Variants in MYCBP2 observed in about 807,000 individuals in gnomAD.
MYCBP2 encodes the protein MYC binding protein 2, also known as E3 ubiquitin-protein ligase MYCBP2.
Under a neutral mutation model 525.3 loss-of-function variants are expected in MYCBP2, and 120 were observed. The ratio of observed to expected loss-of-function variants is 0.23; its 90% CI spans 0.20 to 0.27. The LOEUF (loss-of-function observed/expected upper bound fraction) is 0.27. MYCBP2 is among the 10% of genes least tolerant of loss of function. MYCBP2 has a pLI of 1.00. For missense variants in MYCBP2, 4,149 were observed against 5,657.1 expected (o/e 0.73, Z 8.55); for synonymous variants, 1,894 against 1,955.8 (o/e 0.97, Z 0.83).
intron 18 of MYCBP2, among the ~76,000 whole-genome samples, chr13:77,231,581 C>T (rs2067140258): frequency 1.3e-5 from 2 of 152,146 alleles, no homozygotes; most frequent in South Asian, 4.1e-4. Context: ...CATTATGTGA[C>T]ATTGGGAAAA....
In MYCBP2 at chr13:77,143,434, G is replaced by A. The variant is rs572052000; in HGVS notation, c.7303+1011C>T. Among the ~76,000 whole-genome samples the A allele has an allele frequency of 1.2e-4, 18 of 152,202 alleles. No individual in the cohort carries two copies. In the South Asian group the frequency reaches 3.7e-3, roughly 32 times the overall value. The stretch of plus-strand genomic sequence containing the variant: ...CTGTCCCTTGACATTTGAACTCCAG[G>A]GTCCCCAGCATTTAGACTCCAGGAC... On this transcript the variant is annotated intron_variant, in intron 49 of 82. Coordinates refer to ENST00000544440, the MANE Select transcript of MYCBP2 (RefSeq NM_015057.5).
At chr13:77,307,641 A>AC (rs2079623050) in intron 1 of MYCBP2, among the ~76,000 whole-genome samples, 1 of 150,506 alleles carries the variant, frequency 6.6e-6, no homozygotes, top group Non-Finnish European at 1.5e-5. Flanking sequence ...AAAAAAAAAA[A>AC]AAAAAAAAAA....
intron 1 of MYCBP2, among the ~76,000 whole-genome samples, chr13:77,302,354 C>T (rs2078894800): frequency 9.7e-6 from 1 of 102,754 alleles, no homozygotes; most frequent in East Asian, 3.5e-4. Flanking sequence ...AGTTTCCATT[C>T]TTTGTGTTGA....
Position 77,211,939 on chromosome 13 carries a change from T to C in MYCBP2, c.3262+17A>G, listed in dbSNP as rs1396011052. On this transcript the variant is annotated intron_variant, in intron 22 of 82. Coordinates refer to ENST00000544440, the MANE Select transcript of MYCBP2 (RefSeq NM_015057.5). ...GACAAGAGTTTGGAAGGGGCATTTG[T>C]TTATTTCTGGTATTACCTATTATGT... 2 of 1,593,850 alleles carry C rather than the reference T, an allele frequency of 1.3e-6. No individual in the cohort carries two copies. The highest frequency in any genetic ancestry group is 1.3e-5 in the African/African-American group (1 of 74,424).
rs1275128693 is a variant in MYCBP2 at position 77,263,758 on chromosome 13, C to T, written c.1463G>A (p.Ser488Asn). Reference sequence around the variant, plus strand: ...TTCTTGCTGTAGAACAGGTTCAGTGCTTGTGGCAAATATTCTGACAACAAA... The same window carrying T: ...TTCTTGCTGTAGAACAGGTTCAGTGTTTGTGGCAAATATTCTGACAACAAA... ...DGFVVRIFAT[S>N]TEPVLQQELQ... is the part of the protein sequence containing the mutation. Residue 488 changes from serine to asparagine, a missense_variant, in exon 10 of 83, where the codon AGC (serine) becomes AAC (asparagine). Coordinates refer to ENST00000544440, the MANE Select transcript of MYCBP2 (RefSeq NM_015057.5). 2 of 1,613,134 alleles carry T rather than the reference C, an allele frequency of 1.2e-6. No homozygotes were observed.
chr13:77,306,717 T>C lies in MYCBP2; in HGVS notation c.303-10043A>G, dbSNP rs147377745. On this transcript the variant is annotated intron_variant, in intron 1 of 82. Transcript: ENST00000544440. ...ATTGTAAAACTGTAACACTTTCTAA[T>C]GATATCATGAATACAATCTATTCAT... Among the ~76,000 whole-genome samples the C allele has an allele frequency of 2.5e-3, 375 of 152,286 alleles. 1 individual carries two copies. The highest frequency in any genetic ancestry group is 0.017 in the Middle Eastern group (5 of 294).
intron 37 of MYCBP2, among the ~76,000 whole-genome samples, chr13:77,173,470 C>T (rs1166025466): frequency 6.6e-6 from 1 of 152,224 alleles, no homozygotes; most frequent in Non-Finnish European, 1.5e-5. Flanking sequence ...CAATGAACTA[C>T]ATAGCTATTT....
At chr13:77,135,858 A>G (rs1331305112) in intron 52 of MYCBP2, among the ~76,000 whole-genome samples, 1 of 147,444 alleles carries the variant, frequency 6.8e-6, no homozygotes, top group Non-Finnish European at 1.5e-5. Context: ...TTTTTTTGAG[A>G]CGGAGTCTCA....
At chr13:77,076,895 C>A (rs748820104) in intron 67 of MYCBP2, 46 bp from the exon 68 acceptor site, 5 of 1,417,858 alleles carry the variant, frequency 3.5e-6, no homozygotes, top group South Asian at 2.3e-5. Flanking sequence ...CAGGCATTAA[C>A]ACTATATTGG....
chr13:77,114,414 C>T (rs568119004), intron 55 of MYCBP2, among the ~76,000 whole-genome samples: 1 of 152,186 alleles, frequency 6.6e-6, no homozygotes, highest in East Asian at 1.9e-4. Flanking sequence ...TCAGACCTGT[C>T]AGATAACTTA....
chr13:77,180,395 T>G (rs1313357797), intron 33 of MYCBP2, 77 bp from the exon 34 acceptor site: 2 of 1,219,834 alleles, frequency 1.6e-6, no homozygotes, highest in East Asian at 4.7e-5. Flanking sequence ...AAACCTTGTC[T>G]TTCTGATACT....
At position 77,059,539 on chromosome 13, in the gene MYCBP2, G is replaced by A; in HGVS notation, c.13124C>T (p.Ser4375Phe). 2.5e-6 allele frequency: 4 copies of A among 1,613,668 alleles called. No homozygotes were observed. The highest frequency in any genetic ancestry group is 3.4e-6 in the Non-Finnish European group (4 of 1,179,630). Residue 4375 changes from serine (S) to phenylalanine (F), a missense_variant, in exon 77 of 83, where the codon TCT becomes TTT. This residue lies in a region of MYCBP2 where 220 missense variants were observed against 396.0 expected (regional missense o/e 0.56). Transcript: ENST00000544440. ...TELSAVGSVCSDADCQEYAKI... is the reference protein window; with the variant it reads ...TELSAVGSVCFDADCQEYAKI... ...TATACTCACCTGGCAATCTGCATCA[G>A]AACAAACACTGCCAACAGCAGATAA...
intron 52 of MYCBP2, among the ~76,000 whole-genome samples, chr13:77,133,327 A>AT (rs1250902771): frequency 2.6e-5 from 4 of 152,224 alleles, no homozygotes; most frequent in African/African-American, 9.6e-5. Context: ...AGGAGCATAT[A>AT]TATGTTAGAA....
intron 55 of MYCBP2, among the ~76,000 whole-genome samples, chr13:77,106,871 A>C (rs2047937872): frequency 6.6e-6 from 1 of 152,150 alleles, no homozygotes; most frequent in Admixed American, 6.5e-5. Context: ...ATTACCTGAC[A>C]GTTCTTCAAT....
intron 3 of MYCBP2, 107 bp from the exon 4 acceptor site, chr13:77,279,018 T>C (rs2075915755): frequency 6.2e-6 from 4 of 646,410 alleles, no homozygotes; most frequent in Admixed American, 8.0e-5. Context: ...ATAATGTATA[T>C]GTATAATGGA....
intron 65 of MYCBP2, 127 bp from the exon 66 acceptor site, chr13:77,079,016 C>T (rs12861330): frequency 0.037 from 25,335 of 686,462 alleles, 672 homozygotes; most frequent in Non-Finnish European, 0.049. Context: ...CCTGATTGAC[C>T]CCACCCCATC....
At chr13:77,075,651 T>A (rs1183141801) in intron 68 of MYCBP2, 1 of 152,180 alleles carries the variant, frequency 6.6e-6, no homozygotes, top group African/African-American at 2.4e-5. Context: ...TTATACTATA[T>A]AGTATCTTTG....
intron 82 of MYCBP2, among the ~76,000 whole-genome samples, chr13:77,045,839 A>G (rs948360300): frequency 6.6e-6 from 1 of 152,196 alleles, no homozygotes; most frequent in African/African-American, 2.4e-5. Flanking sequence ...AAACCCCTCA[A>G]TTTAGTCTGG....
chr13:77,307,307 T>C (rs1018832701), intron 1 of MYCBP2, among the ~76,000 whole-genome samples: 1 of 152,086 alleles, frequency 6.6e-6, no homozygotes. Context: ...CCCTTTATGC[T>C]TTTTTTCTGT....
Sources: allele counts gnomAD v4.1 joint callset (sites outside exome capture counted in the v4.1 genomes callset), GRCh38; gene constraint gnomAD v4.1.1; regional missense constraint gnomAD v4.1.1; transcripts MANE v1.5; gene names NCBI Gene and HGNC (gene_info 2026-07-23, HGNC 2026-07-21).